Variants in DENND1B observed in about 807,000 individuals in gnomAD.
The protein encoded by DENND1B is DENN domain containing 1B, also known as DENN domain-containing protein 1B.
A neutral mutation model predicts 90.1 loss-of-function variants in DENND1B; 59 were observed. The observed-to-expected ratio is 0.65, with a 90% CI of 0.53 to 0.81. The LOEUF (loss-of-function observed/expected upper bound fraction) is 0.81. Ranked by LOEUF, DENND1B falls within the 40% of genes least tolerant of loss-of-function variation. The probability of loss-of-function intolerance (pLI) is 0.00; values close to 1 mark genes in which losing one functional copy is unlikely to be tolerated. For missense variants in DENND1B, 862 were observed against 912.6 expected, an observed-to-expected ratio of 0.94 and a Z score of 0.71; for synonymous variants, 337 against 324.6, an observed-to-expected ratio of 1.04 and a Z score of -0.41.
chr1:197,676,082 C>CAAAAAAAAAAAA (rs3046951), intron 3 of DENND1B, among the ~76,000 whole-genome samples: 1 of 114,928 alleles, frequency 8.7e-6, no homozygotes. Context: ...ACAGTATAGA[C>CAAAAAAAAAAAA]AAAAAAAAAA....
intron 5 of DENND1B, among the ~76,000 whole-genome samples, chr1:197,669,772 C>G (rs1053474631): frequency 2.0e-5 from 3 of 151,932 alleles, no homozygotes; most frequent in African/African-American, 7.2e-5. Flanking sequence ...ACCAAAAGCA[C>G]TGTCAAATGA....
chr1:197,737,788 C>CA (rs1662843048), intron 2 of DENND1B, among the ~76,000 whole-genome samples: 1 of 119,300 alleles, frequency 8.4e-6, no homozygotes, highest in Non-Finnish European at 1.9e-5. Context: ...AATTCTGCTT[C>CA]AAAAAAAGAA....
intron 10 of DENND1B, among the ~76,000 whole-genome samples, chr1:197,627,716 T>C (rs1255892825): frequency 6.6e-6 from 1 of 151,926 alleles, no homozygotes; most frequent in Non-Finnish European, 1.5e-5. Context: ...GGGTATTCAA[T>C]TAGGAAAAGA....
At position 197,709,722 on chromosome 1, in the gene DENND1B, A is replaced by G. The variant is rs376974544; in HGVS notation, c.126+5309T>C. ...CATAATGACAGGATCAAATTCACACATAACAATATTAACTTTAAATATAAA... is the reference window on the plus strand; with the variant it reads ...CATAATGACAGGATCAAATTCACACGTAACAATATTAACTTTAAATATAAA... On this transcript the variant is annotated intron_variant, in intron 3 of 22. Transcript: ENST00000620048. 1.8e-4 allele frequency among the ~76,000 whole-genome samples: 6 copies of G among 33,466 alleles called. No individual in the cohort carries two copies. The East Asian group carries it at 4.9e-3, about 27-fold the overall frequency. 22.0% of individuals were successfully genotyped at this position (33,466 alleles called of 152,430 possible).
intron 5 of DENND1B, 34 bp downstream of exon 5, chr1:197,672,003 T>A (rs1655558279): frequency 6.3e-7 from 1 of 1,599,376 alleles, no homozygotes; most frequent in Admixed American, 1.7e-5. Flanking sequence ...AGTTACCTAT[T>A]TTGCATCTAA....
intron 13 of DENND1B, among the ~76,000 whole-genome samples, chr1:197,596,212 T>G (rs190077451): frequency 6.6e-6 from 1 of 152,188 alleles, no homozygotes; most frequent in East Asian, 1.9e-4. Context: ...TCATACATTT[T>G]TCTATCTTTT....
intron 10 of DENND1B, among the ~76,000 whole-genome samples, chr1:197,631,464 G>A (rs1055192785): frequency 5.9e-5 from 9 of 151,880 alleles, no homozygotes; most frequent in Non-Finnish European, 1.0e-4. Flanking sequence ...TTATTAATAT[G>A]AACACATTAC....
chr1:197,586,748 A>C (rs1674732679), intron 14 of DENND1B, among the ~76,000 whole-genome samples: 1 of 152,228 alleles, frequency 6.6e-6, no homozygotes, highest in African/African-American at 2.4e-5. Flanking sequence ...ATTAAAGAAA[A>C]CAAGACGGGG....
intron 5 of DENND1B, among the ~76,000 whole-genome samples, chr1:197,666,689 T>C (rs78085579): frequency 6.6e-6 from 1 of 152,192 alleles, no homozygotes; most frequent in Non-Finnish European, 1.5e-5. Flanking sequence ...ATGAGCATAG[T>C]TGATCTTCTC....
chr1:197,598,479 G>C (rs1239401768), intron 13 of DENND1B, among the ~76,000 whole-genome samples: 1 of 151,776 alleles, frequency 6.6e-6, no homozygotes, highest in Non-Finnish European at 1.5e-5. Flanking sequence ...CCTTTGCAGT[G>C]CTAATTAGCT....
intron 7 of DENND1B, among the ~76,000 whole-genome samples, chr1:197,650,876 G>A (rs1653077265): frequency 6.6e-6 from 1 of 152,170 alleles, no homozygotes; most frequent in South Asian, 2.1e-4. Context: ...AGAAGAGTGG[G>A]AGGGAGGGTA....
At chr1:197,758,557 A>C (rs911785155) in intron 2 of DENND1B, among the ~76,000 whole-genome samples, 1 of 152,224 alleles carries the variant, frequency 6.6e-6, no homozygotes, top group Non-Finnish European at 1.5e-5. Flanking sequence ...AAATGTGAAA[A>C]ATGAAAGTAA....
At chr1:197,558,380 CATT>C (rs1359875294) in intron 15 of DENND1B, among the ~76,000 whole-genome samples, 2 of 151,582 alleles carry the variant, frequency 1.3e-5, no homozygotes, top group Non-Finnish European at 2.9e-5. Flanking sequence ...AGATCAATGA[CATT>C]ATTCCCTCTA....
At chr1:197,658,426 C>T (rs1372900337) in intron 5 of DENND1B, 57 bp from the exon 6 acceptor site, 11 of 1,150,220 alleles carry the variant, frequency 9.6e-6, no homozygotes, top group African/African-American at 9.3e-5. Flanking sequence ...AGAAAACAGA[C>T]AATATAAACA....
chr1:197,716,145 CAT>C (rs1164706831), intron 2 of DENND1B, among the ~76,000 whole-genome samples: 2 of 151,696 alleles, frequency 1.3e-5, no homozygotes, highest in Non-Finnish European at 3.0e-5. Flanking sequence ...CCTAAGGATA[CAT>C]ATATATTTCA....
intron 13 of DENND1B, among the ~76,000 whole-genome samples, chr1:197,598,412 C>G (rs1340306581): frequency 6.6e-6 from 1 of 151,778 alleles, no homozygotes; most frequent in Non-Finnish European, 1.5e-5. Context: ...TTGCATCAAC[C>G]TGGCTGTGTT....
intron 5 of DENND1B, among the ~76,000 whole-genome samples, chr1:197,660,947 A>G (rs1462359323): frequency 1.3e-5 from 2 of 152,078 alleles, no homozygotes; most frequent in African/African-American, 4.8e-5. Context: ...AGTTGTGCAA[A>G]GGCCTCGAGA....
chr1:197,780,624 CT>C (rs1278701732), upstream of DENND1B, among the ~76,000 whole-genome samples: 1 of 152,096 alleles, frequency 6.6e-6, no homozygotes, highest in African/African-American at 2.4e-5. Context: ...CTTGTAGCTA[CT>C]TTTATTTGTC....
At chr1:197,568,430 G>T (rs1672873402) in intron 15 of DENND1B, among the ~76,000 whole-genome samples, 1 of 152,042 alleles carries the variant, frequency 6.6e-6, no homozygotes, top group South Asian at 2.1e-4. Context: ...ACTACCCAAA[G>T]GGATCTACAG....
Sources: gnomAD v4.1 joint callset for allele counts (sites outside exome capture counted in the v4.1 genomes callset) on GRCh38, gnomAD v4.1.1 for gene constraint, MANE v1.5 for transcripts, NCBI Gene and HGNC (gene_info 2026-07-23, HGNC 2026-07-21) for gene names.